The following EYS variants were observed in gnomAD, a reference collection of about 807,000 sequenced individuals.
EYS encodes EGF-like photoreceptor maintenance factor.
In EYS, 250 loss-of-function variants were observed where a neutral mutation model predicts 282.1. That is an observed-to-expected ratio of 0.89 (90% CI 0.80 to 0.98). EYS has a LOEUF of 0.98. Ranked by LOEUF, EYS falls within the 50% of genes least tolerant of loss-of-function variation. The pLI is 0.00. For missense variants in EYS, 4,016 were observed against 3,709.0 expected (o/e 1.08, Z -2.15); for synonymous variants, 1,355 against 1,282.9 (o/e 1.06, Z -1.20).
chr6:64,445,270 G>A (rs754857985), intron 26 of EYS, among the ~76,000 whole-genome samples: 2 of 152,048 alleles, frequency 1.3e-5, no homozygotes, highest in Non-Finnish European at 2.9e-5. Flanking sequence ...AATGATTATA[G>A]CAAGCACAGA....
chr6:64,957,112 A>G (rs1317943009), intron 14 of EYS, among the ~76,000 whole-genome samples: 1 of 152,212 alleles, frequency 6.6e-6, no homozygotes, highest in Admixed American at 6.5e-5. Context: ...TCAAAGAGAT[A>G]TCTTCACTTC....
intron 33 of EYS, among the ~76,000 whole-genome samples, chr6:64,035,442 T>C (rs928486377): frequency 2.0e-5 from 3 of 152,202 alleles, no homozygotes; most frequent in Non-Finnish European, 2.9e-5. Context: ...GGGCTAGATA[T>C]GGAATGACAT....
intron 30 of EYS, among the ~76,000 whole-genome samples, chr6:64,235,197 T>A (rs1766555438): frequency 6.6e-6 from 1 of 151,752 alleles, no homozygotes; most frequent in African/African-American, 2.4e-5. Flanking sequence ...CATTAACTCG[T>A]CATTTAGCAT....
intron 5 of EYS, among the ~76,000 whole-genome samples, chr6:65,416,312 A>C (rs984750779): frequency 6.6e-6 from 1 of 151,972 alleles, no homozygotes; most frequent in Non-Finnish European, 1.5e-5. Flanking sequence ...TAAGTGTGGC[A>C]TAAATAAGGA....
At chr6:65,394,164 C>A (rs1191871247) in intron 7 of EYS, among the ~76,000 whole-genome samples, 1 of 151,874 alleles carries the variant, frequency 6.6e-6, no homozygotes, top group Non-Finnish European at 1.5e-5. Context: ...AAATTTGATC[C>A]TCCTGATATG....
At chr6:65,667,208 T>A (rs1768230307) in intron 1 of EYS, among the ~76,000 whole-genome samples, 1 of 151,860 alleles carries the variant, frequency 6.6e-6, no homozygotes, top group Admixed American at 6.6e-5. Context: ...GCCAGAGCAA[T>A]TTTTGTAAAA....
chr6:63,936,587 A>G (rs1271215204), intron 35 of EYS, among the ~76,000 whole-genome samples: 1 of 152,200 alleles, frequency 6.6e-6, no homozygotes, highest in African/African-American at 2.4e-5. Context: ...GTCAATCCTT[A>G]GATTTCTGTT....
intron 26 of EYS, among the ~76,000 whole-genome samples, chr6:64,506,216 G>A (rs1777202016): frequency 1.3e-5 from 2 of 152,118 alleles, no homozygotes; most frequent in Admixed American, 1.3e-4. Context: ...ATGGGACATT[G>A]CATTTAACAT....
chr6:65,022,757 A>T (rs1415905244), intron 13 of EYS, among the ~76,000 whole-genome samples: 1 of 151,076 alleles, frequency 6.6e-6, no homozygotes. Context: ...ATTTAATTTA[A>T]AAGGCATCTA....
intron 12 of EYS, among the ~76,000 whole-genome samples, chr6:65,285,310 AT>A (rs1025126117): frequency 6.6e-6 from 1 of 152,006 alleles, no homozygotes; most frequent in Non-Finnish European, 1.5e-5. Context: ...TGGAATTTAA[AT>A]TAAAGACAAT....
intron 12 of EYS, among the ~76,000 whole-genome samples, chr6:65,262,282 A>G (rs1199169635): frequency 6.6e-6 from 1 of 152,138 alleles, no homozygotes; most frequent in Non-Finnish European, 1.5e-5. Context: ...TATTTTTCTC[A>G]ATACATTACA....
intron 2 of EYS, among the ~76,000 whole-genome samples, chr6:65,515,109 C>G (rs1461457302): frequency 6.6e-6 from 1 of 152,092 alleles, no homozygotes; most frequent in African/African-American, 2.4e-5. Flanking sequence ...CAACAAACAA[C>G]CCCATCAAAA....
At chr6:65,687,888 C>T (rs892787128) in intron 1 of EYS, among the ~76,000 whole-genome samples, 4 of 152,008 alleles carry the variant, frequency 2.6e-5, no homozygotes, top group African/African-American at 9.7e-5. Context: ...ATGTGAAGGA[C>T]CTCTTCAAGG....
chr6:65,620,016 T>C (rs1766406422), intron 2 of EYS, among the ~76,000 whole-genome samples: 1 of 152,134 alleles, frequency 6.6e-6, no homozygotes, highest in Admixed American at 6.5e-5. Flanking sequence ...TAAAATTCTC[T>C]TTTTATGTTG....
chr6:64,322,484 C>A (rs553300777), intron 29 of EYS, among the ~76,000 whole-genome samples: 1 of 151,936 alleles, frequency 6.6e-6, no homozygotes, highest in Non-Finnish European at 1.5e-5. Flanking sequence ...CTATAGGGAA[C>A]TACCACGGAA....
Position 65,684,081 on chromosome 6 carries a change from A to T in EYS, c.-448+23054T>A, listed in dbSNP as rs146058775. Among the ~76,000 whole-genome samples, 1,197 of 152,118 alleles carry T rather than the reference A, an allele frequency of 7.9e-3. 16 individuals carry two copies. The highest frequency in any genetic ancestry group is 0.027 in the African/African-American group (1,129 of 41,550). ...CATTGCCTTAGAATTTATTAAAGTC[A>T]TGATACTTGCCAATCAATTTTTGTA... On this transcript the variant is annotated intron_variant, in intron 1 of 42. Coordinates refer to ENST00000503581, the MANE Select transcript of EYS (RefSeq NM_001142800.2).
At chr6:64,423,869 T>C (rs1774314339) in intron 28 of EYS, among the ~76,000 whole-genome samples, 1 of 152,182 alleles carries the variant, frequency 6.6e-6, no homozygotes. Context: ...TTTATATAAT[T>C]CTGAATGGGT....
At chr6:64,872,249 G>A (rs992164747) in intron 19 of EYS, among the ~76,000 whole-genome samples, 3 of 151,964 alleles carry the variant, frequency 2.0e-5, no homozygotes, top group Admixed American at 6.6e-5. Flanking sequence ...CTTCTACATT[G>A]TAATAAGAAG....
chr6:65,366,091 G>A (rs577596563), intron 8 of EYS, among the ~76,000 whole-genome samples: 7 of 151,710 alleles, frequency 4.6e-5, no homozygotes, highest in African/African-American at 1.7e-4. Context: ...GCAACTGTTC[G>A]GACCCTTTTT....
Sources: gnomAD v4.1 joint callset for allele counts (sites outside exome capture counted in the v4.1 genomes callset) on GRCh38, gnomAD v4.1.1 for gene constraint, MANE v1.5 for transcripts, NCBI Gene and HGNC (gene_info 2026-07-23, HGNC 2026-07-21) for gene names.